The following CDH12 variants were observed in gnomAD, a reference collection of about 807,000 sequenced individuals.
The protein encoded by CDH12 is cadherin 12, also known as cadherin-12.
Under a neutral mutation model 74.1 loss-of-function variants are expected in CDH12, and 41 were observed. The ratio of observed to expected loss-of-function variants is 0.55; its 90% CI spans 0.43 to 0.72. The LOEUF is 0.72. Among genes scored for constraint, CDH12 ranks in the 30% least tolerant of loss-of-function variants. The pLI, the probability that CDH12 is intolerant of heterozygous loss-of-function variation, is 0.00. For missense variants in CDH12, 945 were observed against 977.2 expected, an observed-to-expected ratio of 0.97 and a Z score of 0.44; for synonymous variants, 399 against 355.0, an observed-to-expected ratio of 1.12 and a Z score of -1.39.
chr5:22,252,803 C>G (rs1046855346), intron 3 of CDH12, among the ~76,000 whole-genome samples: 1 of 151,926 alleles, frequency 6.6e-6, no homozygotes, highest in Non-Finnish European at 1.5e-5. Flanking sequence ...GAAGCCTTAG[C>G]TTAATTTCTT....
intron 1 of CDH12, among the ~76,000 whole-genome samples, chr5:22,641,988 A>G (rs1293774803): frequency 6.6e-6 from 1 of 152,206 alleles, no homozygotes; most frequent in Non-Finnish European, 1.5e-5. Flanking sequence ...GCCAAGCTCA[A>G]TGCACAGAAA....
Position 21,820,804 on chromosome 5 carries a change from A to G in CDH12, c.815-3672T>C, listed in dbSNP as rs138364295. 1.2e-4 allele frequency among the ~76,000 whole-genome samples: 18 copies of G among 152,054 alleles called. No homozygotes were observed. In the East Asian group the frequency reaches 3.5e-3, roughly 29 times the overall value. On this transcript the variant is annotated intron_variant, in intron 8 of 14. Transcript: ENST00000382254. Reference sequence around the variant, plus strand: ...TAATCTTCAGCTATGCCAAAGTTGGATTGTTCATGATGTACTGTGTAATTA... The same window carrying G: ...TAATCTTCAGCTATGCCAAAGTTGGGTTGTTCATGATGTACTGTGTAATTA...
At chr5:22,283,281 CACACAT>C (rs1459099144) in intron 3 of CDH12, among the ~76,000 whole-genome samples, 5 of 135,620 alleles carry the variant, frequency 3.7e-5, no homozygotes, top group Admixed American at 7.0e-5. Context: ...CACACATATA[CACACAT>C]ATATATATAG....
At chr5:22,157,607 A>G (rs1315404045) in intron 4 of CDH12, among the ~76,000 whole-genome samples, 3 of 152,064 alleles carry the variant, frequency 2.0e-5, no homozygotes, top group African/African-American at 7.2e-5. Context: ...TTCCCCTTCT[A>G]TTTTATTCTG....
rs976598093 is a variant in CDH12 at position 21,927,997 on chromosome 5, G to A, written c.526+47094C>T. 1.8e-4 allele frequency among the ~76,000 whole-genome samples: 27 copies of A among 152,078 alleles called. No homozygotes were observed. The South Asian group carries it at 2.7e-3, about 15-fold the overall frequency. The stretch of plus-strand genomic sequence containing the variant: ...TGAGGCAGGAGAATGGCGTGAACCC[G>A]GGAGGCGGAGCTTGCAATGAGCCCA... On this transcript the variant is annotated intron_variant, in intron 6 of 14. Coordinates refer to ENST00000382254, the MANE Select transcript of CDH12 (RefSeq NM_004061.5).
intron 3 of CDH12, among the ~76,000 whole-genome samples, chr5:22,344,996 G>A (rs1204520970): frequency 2.0e-5 from 3 of 152,156 alleles, no homozygotes; most frequent in African/African-American, 7.2e-5. Context: ...AGCCATTTCT[G>A]TAATTGGCAT....
At position 22,161,133 on chromosome 5, in the gene CDH12, C is replaced by G. The variant is rs1332982370; in HGVS notation, c.-187+51365G>C. Among the ~76,000 whole-genome samples, 3 of 152,130 alleles carry G rather than the reference C, an allele frequency of 2.0e-5. No individual in the cohort carries two copies. In the East Asian group the frequency reaches 5.8e-4, roughly 29 times the overall value. On this transcript the variant is annotated intron_variant, in intron 4 of 14. Transcript: ENST00000382254. ...GTATAGAATTGAGCTGTCATAGAAG[C>G]TTCACTATTCTCATCCTCTCTCTTC... is the stretch of plus-strand genomic sequence containing the variant.
chr5:21,813,625 G>T (rs1450721959), intron 9 of CDH12, among the ~76,000 whole-genome samples: 1 of 152,116 alleles, frequency 6.6e-6, no homozygotes, highest in Non-Finnish European at 1.5e-5. Flanking sequence ...CGTCATCTCT[G>T]GCCAAGGCCC....
intron 1 of CDH12, among the ~76,000 whole-genome samples, chr5:22,754,675 G>A (rs1265126052): frequency 6.6e-6 from 1 of 152,060 alleles, no homozygotes; most frequent in Non-Finnish European, 1.5e-5. Context: ...AACGAGATGG[G>A]AAAGTGACGG....
At chr5:21,786,141 C>T (rs530259953) in intron 10 of CDH12, among the ~76,000 whole-genome samples, 22 of 152,162 alleles carry the variant, frequency 1.4e-4, no homozygotes, top group Non-Finnish European at 8.8e-5. Context: ...AGCACATCTG[C>T]TCACAGCATG....
Position 21,810,665 on chromosome 5 carries a change from T to C in CDH12, c.1002+6280A>G, listed in dbSNP as rs560037680. On this transcript the variant is annotated intron_variant, in intron 9 of 14. Transcript: ENST00000382254. ...GGCTAAGTTACAGTTGATGAGACTT[T>C]AGGGAAACTAGGTAAGGTATTACAA... Among the ~76,000 whole-genome samples the C allele has an allele frequency of 6.2e-4, 94 of 152,214 alleles. 1 individual carries two copies. Among genetic ancestry groups the C allele is most frequent in the African/African-American group, 2.1e-3 (89 of 41,556 alleles).
chr5:22,682,819 A>G (rs530747908), intron 1 of CDH12, among the ~76,000 whole-genome samples: 2 of 152,080 alleles, frequency 1.3e-5, no homozygotes, highest in Non-Finnish European at 2.9e-5. Context: ...AGCAAAACAA[A>G]ACAAAAAACT....
intron 1 of CDH12, among the ~76,000 whole-genome samples, chr5:22,702,285 A>G (rs907376552): frequency 6.6e-6 from 1 of 152,256 alleles, no homozygotes; most frequent in South Asian, 2.1e-4. Flanking sequence ...AGACCCACTA[A>G]CAATGGTAAG....
At chr5:21,780,033 T>C (rs1745819281) in intron 11 of CDH12, among the ~76,000 whole-genome samples, 1 of 152,182 alleles carries the variant, frequency 6.6e-6, no homozygotes, top group Non-Finnish European at 1.5e-5. Context: ...GATAGTGGAA[T>C]TAACCAGAAG....
intron 1 of CDH12, among the ~76,000 whole-genome samples, chr5:22,549,606 T>G (rs1167766511): frequency 1.3e-5 from 2 of 152,208 alleles, no homozygotes; most frequent in African/African-American, 4.8e-5. Flanking sequence ...ATTGATACAG[T>G]ACCATAGTTA....
intron 2 of CDH12, among the ~76,000 whole-genome samples, chr5:22,460,713 ATTTTTTTTTTTTTT>A (rs3039460): frequency 2.3e-5 from 2 of 85,622 alleles, no homozygotes; most frequent in Admixed American, 3.6e-4. Flanking sequence ...ATATCTAGCA[ATTTTTTTTTTTTTT>A]TTTTTTTTTT....
chr5:21,823,479 C>G (rs1748483149), intron 8 of CDH12, among the ~76,000 whole-genome samples: 1 of 151,850 alleles, frequency 6.6e-6, no homozygotes, highest in African/African-American at 2.4e-5. Flanking sequence ...TTTGGCAAAC[C>G]CTAACTCTTG....
chr5:21,967,252 A>T (rs1288046907), intron 6 of CDH12, among the ~76,000 whole-genome samples: 1 of 152,200 alleles, frequency 6.6e-6, no homozygotes, highest in African/African-American at 2.4e-5. Context: ...ACTTATCATA[A>T]AGCCAGAGAC....
At chr5:21,963,818 G>A (rs1756464536) in intron 6 of CDH12, among the ~76,000 whole-genome samples, 1 of 152,022 alleles carries the variant, frequency 6.6e-6, no homozygotes, top group Admixed American at 6.6e-5. Context: ...CCATCTTTGT[G>A]AATTCAAACT....
Sources: allele counts gnomAD v4.1 joint callset (sites outside exome capture counted in the v4.1 genomes callset), GRCh38; gene constraint gnomAD v4.1.1; transcripts MANE v1.5; gene names NCBI Gene and HGNC (gene_info 2026-07-23, HGNC 2026-07-21).